Variants in DAB2IP observed in about 807,000 individuals in gnomAD.
The protein encoded by DAB2IP is disabled homolog 2-interacting protein.
A neutral mutation model predicts 107.2 loss-of-function variants in DAB2IP; 28 were observed. The observed-to-expected ratio is 0.26, with a 90% confidence interval of 0.19 to 0.36. The LOEUF (loss-of-function observed/expected upper bound fraction) is 0.36, where lower values mean the gene tolerates loss of function less well. Among genes scored for constraint, DAB2IP ranks in the 10% least tolerant of loss-of-function variants. The probability of loss-of-function intolerance (pLI) is 1.00; values close to 1 mark genes in which losing one functional copy is unlikely to be tolerated. For synonymous variants in DAB2IP, 755 were observed against 706.4 expected, an observed-to-expected ratio of 1.07 and a Z score of -1.09; for missense variants, 1,400 against 1,644.7, an observed-to-expected ratio of 0.85 and a Z score of 2.57.
At chr9:121,656,347 G>T (rs1832971849) in intron 1 of DAB2IP, among the ~76,000 whole-genome samples, 1 of 152,192 alleles carries the variant, frequency 6.6e-6, no homozygotes, top group African/African-American at 2.4e-5. Flanking sequence ...AGGCCTCTGG[G>T]GCAACAGCTT....
intron 1 of DAB2IP, among the ~76,000 whole-genome samples, chr9:121,618,157 G>A (rs1461871607): frequency 1.3e-5 from 2 of 152,080 alleles, no homozygotes; most frequent in African/African-American, 4.8e-5. Flanking sequence ...AATGGATTAC[G>A]ATGGGATTAT....
intron 8 of DAB2IP, among the ~76,000 whole-genome samples, chr9:121,765,752 T>G (rs1341624628): frequency 6.6e-6 from 1 of 152,166 alleles, no homozygotes; most frequent in East Asian, 1.9e-4. Context: ...GGAAACCCAC[T>G]TAAGGGTTGG....
At chr9:121,744,270 T>C (rs1589625117) in intron 3 of DAB2IP, among the ~76,000 whole-genome samples, 1 of 151,960 alleles carries the variant, frequency 6.6e-6, no homozygotes, top group Admixed American at 6.6e-5. Flanking sequence ...CTGGGTGGGG[T>C]GGAGGCGGGT....
At chr9:121,597,632 T>C (rs1291276247) in intron 1 of DAB2IP, among the ~76,000 whole-genome samples, 2 of 152,204 alleles carry the variant, frequency 1.3e-5, no homozygotes, top group East Asian at 1.9e-4. Flanking sequence ...ATCTACATAA[T>C]GCTTTTGTTT....
At position 121,662,902 on chromosome 9, in the gene DAB2IP, C is replaced by T. The variant is rs549286594; in HGVS notation, c.124+11003C>T. 6.6e-6 allele frequency among the ~76,000 whole-genome samples: 1 copy of T among 152,250 alleles called. No individual in the cohort carries two copies. The highest frequency in any genetic ancestry group is 6.5e-5 in the Admixed American group (1 of 15,290). On this transcript the variant is annotated intron_variant, in intron 1 of 15. Coordinates refer to ENST00000408936, the Ensembl canonical transcript of DAB2IP. The surrounding 1 kb of genome is among the most constrained non-coding windows in gnomAD (Gnocchi z 4.6). ...CTCTCTGCCAGCCCTGGAATGGGCC[C>T]TGCAGATGCAGAGAAAAGAATCGTG... is the stretch of plus-strand genomic sequence containing the variant.
At chr9:121,675,377 G>A (rs1375816395) in intron 1 of DAB2IP, among the ~76,000 whole-genome samples, 1 of 152,176 alleles carries the variant, frequency 6.6e-6, no homozygotes, top group African/African-American at 2.4e-5. Context: ...AGTGTGTGAG[G>A]TAGAATGGCT....
chr9:121,753,811 C>A (rs1351243828), intron 3 of DAB2IP, among the ~76,000 whole-genome samples: 1 of 152,230 alleles, frequency 6.6e-6, no homozygotes, highest in Non-Finnish European at 1.5e-5. Flanking sequence ...TGCCTGCTTC[C>A]CTCCTTTCAC....
rs565763048 is a variant in DAB2IP at position 121,772,379 on chromosome 9, G to A, written c.2079-228G>A. 2.2e-4 allele frequency among the ~76,000 whole-genome samples: 33 copies of A among 152,328 alleles called. No individual in the cohort carries two copies. Among genetic ancestry groups the A allele is most frequent in the African/African-American group, 7.0e-4 (29 of 41,558 alleles). ...TCTTCCAGGCAGCGCGGCCTGAAAT[G>A]TGCAGTGCTGGCCCCTAAAGAAGAG... is the stretch of plus-strand genomic sequence containing the variant. On this transcript the variant is annotated intron_variant, in intron 11 of 15. Coordinates refer to ENST00000408936, the Ensembl canonical transcript of DAB2IP. This position sits in a 1 kb window ranked among gnomAD's most constrained non-coding sequence, Gnocchi z 4.7.
At chr9:121,630,980 C>G (rs1011647441) in intron 1 of DAB2IP, among the ~76,000 whole-genome samples, 1 of 152,222 alleles carries the variant, frequency 6.6e-6, no homozygotes, top group African/African-American at 2.4e-5. Context: ...GGGCCCATGG[C>G]ATCTAAGAAA....
chr9:121,689,370 A>T (rs1366927178), intron 2 of DAB2IP, among the ~76,000 whole-genome samples: 2 of 151,920 alleles, frequency 1.3e-5, no homozygotes, highest in African/African-American at 4.8e-5. Flanking sequence ...TCCCAGGTGA[A>T]CCTTGGCCCG....
chr9:121,775,486 T>G (rs545343983), intron 13 of DAB2IP, among the ~76,000 whole-genome samples: 40 of 152,342 alleles, frequency 2.6e-4, no homozygotes, highest in African/African-American at 9.6e-4. Context: ...TTTGCATCCC[T>G]GTGTCCTCAT....
At chr9:121,735,525 G>A (rs760489890) in intron 3 of DAB2IP, among the ~76,000 whole-genome samples, 26 of 152,244 alleles carry the variant, frequency 1.7e-4, no homozygotes, top group Non-Finnish European at 2.8e-4. Flanking sequence ...GGTCTGTGAT[G>A]CCTTAGGGTG....
chr9:121,588,204 C>T lies in DAB2IP; in HGVS notation c.40+20976C>T, dbSNP rs148204123. The stretch of plus-strand genomic sequence containing the variant: ...GGAAAAAAAGGTCAAGACCGTGAGT[C>T]CTTCCATTTCCTGACCTCCTCCCCA... On this transcript the variant is annotated intron_variant, in intron 1 of 16. Coordinates refer to the DAB2IP transcript ENST00000259371. Among the ~76,000 whole-genome samples, 81 of 152,266 alleles carry T rather than the reference C, an allele frequency of 5.3e-4. 1 individual carries two copies. In the East Asian group the frequency reaches 0.011, roughly 21 times the overall value.
At chr9:121,591,571 A>G (rs1830423432) in intron 1 of DAB2IP, among the ~76,000 whole-genome samples, 1 of 152,146 alleles carries the variant, frequency 6.6e-6, no homozygotes, top group South Asian at 2.1e-4. Flanking sequence ...TGAAGCTTTG[A>G]ACAGAAGTGA....
At chr9:121,724,227 C>G (rs905750531) in intron 3 of DAB2IP, among the ~76,000 whole-genome samples, 2 of 152,136 alleles carry the variant, frequency 1.3e-5, no homozygotes, top group African/African-American at 4.8e-5. Flanking sequence ...GACTCAGGTT[C>G]CTTCCTGTGG....
intron 13 of DAB2IP, 151 bp downstream of exon 13, chr9:121,774,563 C>A: frequency 1.1e-6 from 1 of 922,670 alleles, no homozygotes; most frequent in Non-Finnish European, 1.6e-6. Flanking sequence ...GTGAGAATAG[C>A]AGTCAGTGGG....
At position 121,571,432 on chromosome 9, in the gene DAB2IP, C is replaced by T. The variant is rs115692649; in HGVS notation, c.40+4204C>T. On this transcript the variant is annotated intron_variant, in intron 1 of 16. Transcript: ENST00000259371. The stretch of plus-strand genomic sequence containing the variant: ...TCCAGGGCAGAAGAAACAGCAGGTG[C>T]AAAGGCATGGAGACTGGTGATGCTT... Among the ~76,000 whole-genome samples, 1,035 of 152,202 alleles carry T rather than the reference C, an allele frequency of 6.8e-3. 22 individuals carry two copies. The highest frequency in any genetic ancestry group is 0.024 in the African/African-American group (993 of 41,456).
intron 2 of DAB2IP, among the ~76,000 whole-genome samples, chr9:121,696,443 G>A (rs1472150103): frequency 6.6e-6 from 1 of 152,210 alleles, no homozygotes; most frequent in Non-Finnish European, 1.5e-5. Context: ...AGACCAGTCA[G>A]CCCCTCTTCC....
intron 3 of DAB2IP, among the ~76,000 whole-genome samples, chr9:121,743,470 G>GGA (rs574911241): frequency 7.1e-4 from 108 of 152,150 alleles, no homozygotes; most frequent in African/African-American, 2.5e-3. Context: ...TAGGAAAAAG[G>GGA]GACCTGTACC....
Sources: allele counts gnomAD v4.1 joint callset (sites outside exome capture counted in the v4.1 genomes callset), GRCh38; gene constraint gnomAD v4.1.1; non-coding constraint Gnocchi (gnomAD v3.1); transcripts MANE v1.5; gene names NCBI Gene and HGNC (gene_info 2026-07-23, HGNC 2026-07-21).